CADM1: variants seen among roughly 807,000 people sequenced by gnomAD.
The protein encoded by CADM1 is cell adhesion molecule 1, also known as TSLC-1.
Under a neutral mutation model 53.1 loss-of-function variants are expected in CADM1, and 15 were observed. That is an observed-to-expected ratio of 0.28 (90% CI 0.19 to 0.44). The LOEUF (loss-of-function observed/expected upper bound fraction) is 0.44. CADM1 is among the 20% of genes least tolerant of loss of function. CADM1 has a pLI of 1.00. For synonymous variants in CADM1, 281 were observed against 243.0 expected, an observed-to-expected ratio of 1.16 and a Z score of -1.45; for missense variants, 434 against 611.3, an observed-to-expected ratio of 0.71 and a Z score of 3.06.
At chr11:115,307,261 T>C (rs1280648344) in intron 1 of CADM1, among the ~76,000 whole-genome samples, 1 of 151,930 alleles carries the variant, frequency 6.6e-6, no homozygotes, top group East Asian at 1.9e-4. Context: ...CATTTACAAT[T>C]ACAAGAGCCC....
chr11:115,255,281 A>G (rs1942748091), intron 1 of CADM1, among the ~76,000 whole-genome samples: 1 of 152,200 alleles, frequency 6.6e-6, no homozygotes, highest in African/African-American at 2.4e-5. Flanking sequence ...ATTCTGCAAT[A>G]TGACTCAAGA....
chr11:115,418,848 T>C (rs1947680667), intron 1 of CADM1, among the ~76,000 whole-genome samples: 1 of 152,158 alleles, frequency 6.6e-6, no homozygotes, highest in Non-Finnish European at 1.5e-5. Flanking sequence ...GAGCAAGTAC[T>C]TAAAGCACGT....
intron 1 of CADM1, among the ~76,000 whole-genome samples, chr11:115,474,349 C>T (rs1949082131): frequency 6.9e-6 from 1 of 145,846 alleles, no homozygotes; most frequent in East Asian, 2.0e-4. Flanking sequence ...GACACTTCAC[C>T]AAGATATTCA....
At chr11:115,487,942 A>C (rs1157096783) in intron 1 of CADM1, among the ~76,000 whole-genome samples, 2 of 152,210 alleles carry the variant, frequency 1.3e-5, no homozygotes, top group Non-Finnish European at 2.9e-5. Context: ...ACTTGACAGT[A>C]GGTCATGCTG....
intron 1 of CADM1, among the ~76,000 whole-genome samples, chr11:115,367,031 T>C (rs987176447): frequency 6.6e-6 from 1 of 152,212 alleles, no homozygotes; most frequent in Non-Finnish European, 1.5e-5. Flanking sequence ...TACCCAGATA[T>C]GCTGAACAAA....
chr11:115,231,993 A>AATG (rs1941833028), intron 3 of CADM1, among the ~76,000 whole-genome samples: 1 of 117,030 alleles, frequency 8.5e-6, no homozygotes, highest in Non-Finnish European at 2.0e-5. Flanking sequence ...TCTCAATAAT[A>AATG]ATAATAATAA....
At chr11:115,429,965 T>C (rs980483303) in intron 1 of CADM1, among the ~76,000 whole-genome samples, 2 of 152,062 alleles carry the variant, frequency 1.3e-5, no homozygotes, top group African/African-American at 4.8e-5. Flanking sequence ...ATGAAATTTA[T>C]GTATCAGCAA....
At chr11:115,306,237 C>A (rs895579921) in intron 1 of CADM1, among the ~76,000 whole-genome samples, 4 of 151,972 alleles carry the variant, frequency 2.6e-5, no homozygotes, top group Admixed American at 2.0e-4. Context: ...ACACAAACAC[C>A]ATTGTGTTAC....
chr11:115,463,158 C>T (rs1948830493), intron 1 of CADM1, among the ~76,000 whole-genome samples: 1 of 152,126 alleles, frequency 6.6e-6, no homozygotes, highest in Non-Finnish European at 1.5e-5. Flanking sequence ...TGGGGACTCA[C>T]CAACCTCCTG....
At chr11:115,237,697 G>A (rs185224955) in intron 3 of CADM1, among the ~76,000 whole-genome samples, 4 of 152,272 alleles carry the variant, frequency 2.6e-5, no homozygotes, top group Non-Finnish European at 5.9e-5. Context: ...TCAGTTTCAA[G>A]AATCCAAATC....
intron 1 of CADM1, among the ~76,000 whole-genome samples, chr11:115,419,088 C>T (rs974405726): frequency 6.6e-6 from 1 of 152,182 alleles, no homozygotes; most frequent in Non-Finnish European, 1.5e-5. Flanking sequence ...TAAAATGGGT[C>T]TCTAATTTTG....
At chr11:115,500,294 A>G (rs932838563) in intron 1 of CADM1, among the ~76,000 whole-genome samples, 2 of 152,150 alleles carry the variant, frequency 1.3e-5, no homozygotes, top group African/African-American at 4.8e-5. Context: ...ACCTTTTGCT[A>G]AAAACAGACA....
At chr11:115,476,071 A>AT (rs1949124037) in intron 1 of CADM1, among the ~76,000 whole-genome samples, 1 of 152,148 alleles carries the variant, frequency 6.6e-6, no homozygotes, top group African/African-American at 2.4e-5. Flanking sequence ...ACTTAGCAAA[A>AT]TTTTTAATTA....
chr11:115,470,950 G>A (rs1400839337), intron 1 of CADM1, among the ~76,000 whole-genome samples: 6 of 152,196 alleles, frequency 3.9e-5, no homozygotes, highest in East Asian at 1.9e-4. Flanking sequence ...TCTGCAGTAC[G>A]TGCTCCCTTT....
At position 115,309,741 on chromosome 11, in the gene CADM1, GTCAC is replaced by G. The variant is rs780261601; in HGVS notation, c.125-69325_125-69322del. On this transcript the variant is annotated intron_variant, in intron 1 of 11. Transcript: ENST00000331581. ...CCCCCGGCCGTGTGACTTAAGGCAA[GTCAC>G]TCAATCTCTGTGAACCTCCACATCC... Among the ~76,000 whole-genome samples, 3 of 152,126 alleles carry G rather than the reference GTCAC, an allele frequency of 2.0e-5. No individual in the cohort carries two copies. The South Asian group carries it at 6.2e-4, about 31-fold the overall frequency.
chr11:115,391,368 G>C (rs1000587781), intron 1 of CADM1, among the ~76,000 whole-genome samples: 1 of 152,188 alleles, frequency 6.6e-6, no homozygotes, highest in African/African-American at 2.4e-5. Context: ...TTTCAGACTT[G>C]AGTGATGAAT....
chr11:115,309,903 T>G, intron 1 of CADM1, among the ~76,000 whole-genome samples: 1 of 152,166 alleles, frequency 6.6e-6, no homozygotes, highest in East Asian at 1.9e-4. Context: ...AGCCTCATGC[T>G]TAGAAATCCA....
At chr11:115,402,204 A>T (rs1480924903) in intron 1 of CADM1, among the ~76,000 whole-genome samples, 1 of 152,210 alleles carries the variant, frequency 6.6e-6, no homozygotes, top group Non-Finnish European at 1.5e-5. Flanking sequence ...TATCACAGAC[A>T]AGGGAATTAT....
chr11:115,322,374 T>C (rs374816176), intron 1 of CADM1, among the ~76,000 whole-genome samples: 1 of 152,352 alleles, frequency 6.6e-6, no homozygotes, highest in East Asian at 1.9e-4. Context: ...TCATTAGATA[T>C]AGTCTTATGT....
Sources: allele counts gnomAD v4.1 joint callset (sites outside exome capture counted in the v4.1 genomes callset), GRCh38; gene constraint gnomAD v4.1.1; transcripts MANE v1.5; gene names NCBI Gene and HGNC (gene_info 2026-07-23, HGNC 2026-07-21).